RGPD4: variants seen among roughly 807,000 people sequenced by gnomAD.
RGPD4 encodes the protein ranBP2-like and GRIP domain-containing protein 4.
RGPD4 carries 84 observed loss-of-function variants against 141.1 expected under a neutral mutation model. The ratio of observed to expected loss-of-function variants is 0.60; its 90% CI spans 0.50 to 0.71. RGPD4 has a LOEUF of 0.71. Among genes scored for constraint, RGPD4 ranks in the 30% least tolerant of loss-of-function variants. The probability of loss-of-function intolerance (pLI) is 0.00; values close to 1 mark genes in which losing one functional copy is unlikely to be tolerated. For synonymous variants in RGPD4, 298 were observed against 566.8 expected, an observed-to-expected ratio of 0.53 and a Z score of 6.74; for missense variants, 918 against 1,622.4, an observed-to-expected ratio of 0.57 and a Z score of 7.46.
rs761581660 is a variant in RGPD4, at chr2:107,890,740, C to A, written c.*9C>A. 1 of 1,602,104 alleles carries A rather than the reference C, an allele frequency of 6.2e-7. No homozygotes were observed. On this transcript the variant is annotated 3_prime_UTR_variant, in exon 23 of 23. Coordinates refer to ENST00000408999, the MANE Select transcript of RGPD4 (RefSeq NM_182588.3). ...CCAAAGGTGAGGAATAAAATGCTTC[C>A]CGTTCTTCTGGATGGGCATCCTATC...
At chr2:107,833,470 C>T (rs1182928471) in intron 1 of RGPD4, among the ~76,000 whole-genome samples, 4 of 150,256 alleles carry the variant, frequency 2.7e-5, no homozygotes, top group African/African-American at 4.9e-5. Flanking sequence ...CAAAGAAGTA[C>T]TGCTTGAATC....
intron 9 of RGPD4, among the ~76,000 whole-genome samples, chr2:107,858,626 G>A (rs1211277854): frequency 2.0e-5 from 3 of 151,800 alleles, no homozygotes; most frequent in Admixed American, 1.3e-4. Flanking sequence ...TTTTAGTAGA[G>A]GCGGAGTTTC....
intron 9 of RGPD4, among the ~76,000 whole-genome samples, chr2:107,857,693 C>A (rs562047558): frequency 4.0e-5 from 6 of 151,838 alleles, no homozygotes; most frequent in South Asian, 2.1e-4. Context: ...CCTAAGCCCC[C>A]CAAAGTGTTG....
intron 22 of RGPD4, 21 bp downstream of exon 22, chr2:107,882,894 A>G (rs1456418515): frequency 6.7e-7 from 1 of 1,484,418 alleles, no homozygotes; most frequent in African/African-American, 1.4e-5. Context: ...GGAGAGTCTC[A>G]GAACTTCTGA....
intron 22 of RGPD4, among the ~76,000 whole-genome samples, chr2:107,890,485 G>C (rs1227393961): frequency 9.1e-5 from 12 of 132,030 alleles, no homozygotes; most frequent in Middle Eastern, 7.9e-3. Flanking sequence ...GGAGATCAAG[G>C]CTGCACTGAA....
In RGPD4 at chr2:107,859,809, T is replaced by C; in HGVS notation, c.1722T>C (p.Ala574=). The stretch of plus-strand genomic sequence containing the variant: ...AGGAAAAACATGGCCTTCAACCTGC[T>C]CTGCTTGTACATTGGGCAAAATGCC... The part of the protein sequence containing the change: ...RAQEKHGLQP[A]LLVHWAKCLQ... Residue 574 remains alanine, a synonymous_variant, in exon 12 of 23, where the codon GCT becomes GCC. Coordinates refer to ENST00000408999, the MANE Select transcript of RGPD4 (RefSeq NM_182588.3). 1 of 1,609,870 alleles carries C rather than the reference T, an allele frequency of 6.2e-7. No individual in the cohort carries two copies. The highest frequency in any genetic ancestry group is 8.5e-7 in the Non-Finnish European group (1 of 1,179,708).
chr2:107,854,361 C>T (rs1052609662), intron 7 of RGPD4, among the ~76,000 whole-genome samples, 195 bp from the exon 8 acceptor site: 2 of 151,952 alleles, frequency 1.3e-5, no homozygotes, highest in African/African-American at 4.8e-5. Flanking sequence ...AGCCACCACG[C>T]CTGTACCTGG....
At position 107,859,756 on chromosome 2, in the gene RGPD4, C is replaced by T. The variant is rs753456096; in HGVS notation, c.1669C>T (p.Gln557Ter). 28 of 1,610,760 alleles carry T rather than the reference C, an allele frequency of 1.7e-5. No homozygotes were observed. Among genetic ancestry groups the T allele is most frequent in the Non-Finnish European group, 2.3e-5 (27 of 1,179,818 alleles). The change falls in exon 12 of 23, where the codon CAG (glutamine) becomes TAG (stop). Residue 557 changes from glutamine (Q) to a stop codon, truncating the protein, a stop_gained. Transcript: ENST00000408999. LOFTEE classifies it high-confidence loss of function. ...CTCAGCAAAATTGAGACTTTTAGTT[C>T]AGCATGAAATAAACACTCTAAGAGC... Reference protein sequence around the residue: ...GNSAKLRLLVQHEINTLRAQE... With the variant: ...GNSAKLRLLV
Position 107,880,108 on chromosome 2 carries a change from G to T in RGPD4, c.5064+1G>T. On this transcript the variant is annotated splice_donor_variant, in intron 21 of 22. Transcript: ENST00000408999. LOFTEE classifies it high-confidence loss of function. Reference sequence around the variant, plus strand: ...TGCAGTCCTTATGGAGCAAATTAAGGTGAGATCAGAAAACCTGGCCACCAT... The same window carrying T: ...TGCAGTCCTTATGGAGCAAATTAAGTTGAGATCAGAAAACCTGGCCACCAT... 6.2e-7 allele frequency: 1 copy of T among 1,611,428 alleles called. No homozygotes were observed. The highest frequency in any genetic ancestry group is 8.5e-7 in the Non-Finnish European group (1 of 1,179,830).
Position 107,871,299 on chromosome 2 carries a change from C to A in RGPD4, c.3295C>A (p.Leu1099Met), listed in dbSNP as rs778158806. 3 of 1,606,026 alleles carry A rather than the reference C, an allele frequency of 1.9e-6. No individual in the cohort carries two copies. In the Admixed American group the frequency reaches 5.1e-5, roughly 27 times the overall value. ...KNEVNGKPRMLMRREQVLKVC... is the reference protein window; with the variant it reads ...KNEVNGKPRMMMRREQVLKVC... Reference sequence around the variant, plus strand: ...CGAGGTCAATGGCAAACCAAGAATGCTGATGCGAAGAGAACAAGTACTAAA... The same window carrying A: ...CGAGGTCAATGGCAAACCAAGAATGATGATGCGAAGAGAACAAGTACTAAA... The change falls in exon 20 of 23, where the codon CTG (leucine) becomes ATG (methionine). Residue 1099 changes from leucine (L) to methionine (M), a missense_variant. Transcript: ENST00000408999.
At chr2:107,856,443 G>A (rs1268505996) in intron 8 of RGPD4, among the ~76,000 whole-genome samples, 1 of 152,164 alleles carries the variant, frequency 6.6e-6, no homozygotes, top group African/African-American at 2.4e-5. Context: ...GAGAATAAGA[G>A]CTTGTCCCTG....
Position 107,859,499 on chromosome 2 carries a change from G to C in RGPD4, c.1579G>C (p.Glu527Gln). 1.9e-6 allele frequency: 3 copies of C among 1,611,374 alleles called. No individual in the cohort carries two copies. Among genetic ancestry groups the C allele is most frequent in the Non-Finnish European group, 2.5e-6 (3 of 1,179,838 alleles). The part of the protein sequence containing the change: ...PLPVCKQLCT[E>Q]RQKSWWDAVC... The stretch of plus-strand genomic sequence containing the variant: ...TCCTGTATGTAAACAGCTTTGTACA[G>C]AAAGACAAAAATCTTGGTGGGATGC... The change falls in exon 11 of 23, where the codon GAA becomes CAA. Residue 527 changes from glutamate to glutamine, a missense_variant. By Grantham distance (29) the Glu-to-Gln change is conservative (BLOSUM62 2). Coordinates refer to ENST00000408999, the MANE Select transcript of RGPD4 (RefSeq NM_182588.3).
intron 18 of RGPD4, among the ~76,000 whole-genome samples, chr2:107,867,422 TGTG>T (rs1428004631): frequency 6.0e-5 from 9 of 149,578 alleles, no homozygotes; most frequent in African/African-American, 2.2e-4. Flanking sequence ...AGAAAATCTT[TGTG>T]AAGTCAAGCT....
chr2:107,877,874 C>T (rs541906375), intron 20 of RGPD4, among the ~76,000 whole-genome samples: 14 of 151,850 alleles, frequency 9.2e-5, no homozygotes, highest in East Asian at 5.8e-4. Flanking sequence ...AGTGCAGTGG[C>T]GTGATCTTGG....
intron 7 of RGPD4, among the ~76,000 whole-genome samples, chr2:107,854,105 A>G (rs1382150170): frequency 8.9e-6 from 1 of 112,740 alleles, no homozygotes; most frequent in Admixed American, 1.1e-4. Flanking sequence ...CCCAGGCCGG[A>G]GTGCAATGGC....
chr2:107,860,662 G>C (rs1437151520), intron 12 of RGPD4, 104 bp from the exon 13 acceptor site: 3 of 1,434,678 alleles, frequency 2.1e-6, no homozygotes, highest in Non-Finnish European at 2.9e-6. Context: ...GGTACCATTT[G>C]GTTTTGACTT....
intron 7 of RGPD4, among the ~76,000 whole-genome samples, chr2:107,849,111 G>T (rs1682041223): frequency 1.6e-5 from 2 of 123,250 alleles, no homozygotes; most frequent in South Asian, 5.9e-4. Context: ...CTGGAGTGCA[G>T]TGGCGTGATC....
chr2:107,858,413 CTTT>C (rs1436626947), intron 9 of RGPD4, among the ~76,000 whole-genome samples: 2 of 149,980 alleles, frequency 1.3e-5, no homozygotes, highest in Non-Finnish European at 1.5e-5. Context: ...CTTTTCTTTT[CTTT>C]TCTTTTCTTT....
chr2:107,831,607 G>C (rs1489014529), intron 1 of RGPD4, among the ~76,000 whole-genome samples: 4 of 98,002 alleles, frequency 4.1e-5, no homozygotes, highest in African/African-American at 1.7e-4. Context: ...ACGGAGTCTC[G>C]CTCTATCGTC....
Sources: gnomAD v4.1 joint callset for allele counts (sites outside exome capture counted in the v4.1 genomes callset) on GRCh38, gnomAD v4.1.1 for gene constraint, MANE v1.5 for transcripts, NCBI Gene and HGNC (gene_info 2026-07-23, HGNC 2026-07-21) for gene names.